The following KCNMA1 variants were observed in gnomAD, a reference collection of about 807,000 sequenced individuals.
KCNMA1 encodes the protein Calcium-activated potassium channel subunit alpha-1.
In KCNMA1, 29 loss-of-function variants were observed where a neutral mutation model predicts 140.0. That is an observed-to-expected ratio of 0.21 (90% CI 0.15 to 0.28). The LOEUF is 0.28. KCNMA1 is among the 10% of genes least tolerant of loss of function. The pLI, the probability that KCNMA1 is intolerant of heterozygous loss-of-function variation, is 1.00. For synonymous variants in KCNMA1, 612 were observed against 611.9 expected (o/e 1.00, Z 0.00); for missense variants, 880 against 1,602.2 (o/e 0.55, Z 7.70).
At chr10:77,550,750 T>C (rs985529426) in intron 1 of KCNMA1, among the ~76,000 whole-genome samples, 1 of 152,194 alleles carries the variant, frequency 6.6e-6, no homozygotes, top group Non-Finnish European at 1.5e-5. Context: ...GTTGACATAA[T>C]TGTTAGGTCC....
At chr10:76,956,497 A>G (rs964337961) in intron 20 of KCNMA1, among the ~76,000 whole-genome samples, 2 of 152,188 alleles carry the variant, frequency 1.3e-5, no homozygotes, top group African/African-American at 4.8e-5. Context: ...CTCCCGGAAC[A>G]AAGACATTAC....
intron 2 of KCNMA1, among the ~76,000 whole-genome samples, chr10:77,352,829 G>A (rs998439750): frequency 6.6e-6 from 1 of 152,346 alleles, no homozygotes; most frequent in East Asian, 1.9e-4. Flanking sequence ...ACTAGGGAGA[G>A]GATGATATGA....
intron 14 of KCNMA1, among the ~76,000 whole-genome samples, chr10:77,058,460 T>C (rs1366748550): frequency 3.3e-5 from 5 of 152,068 alleles, no homozygotes; most frequent in African/African-American, 4.8e-5. Context: ...AGAATATACA[T>C]TCTTTTTAAG....
intron 1 of KCNMA1, among the ~76,000 whole-genome samples, chr10:77,463,556 G>GC (rs1482732872): frequency 6.6e-6 from 1 of 152,206 alleles, no homozygotes; most frequent in Non-Finnish European, 1.5e-5. Context: ...AATTGATGGA[G>GC]CACACGCTAA....
chr10:77,285,903 A>G (rs1458208399), intron 2 of KCNMA1, among the ~76,000 whole-genome samples: 1 of 152,228 alleles, frequency 6.6e-6, no homozygotes. Flanking sequence ...GTACTTACTT[A>G]GCACAGTGCC....
chr10:77,144,360 G>C (rs1289432644), intron 5 of KCNMA1, among the ~76,000 whole-genome samples: 4 of 152,164 alleles, frequency 2.6e-5, no homozygotes, highest in Non-Finnish European at 5.9e-5. Flanking sequence ...CAAAAATTGA[G>C]AGCAGACAAG....
intron 5 of KCNMA1, among the ~76,000 whole-genome samples, chr10:77,172,304 G>A (rs745719376): frequency 1.1e-4 from 16 of 152,136 alleles, no homozygotes; most frequent in African/African-American, 1.9e-4. Flanking sequence ...TGCTGAATTC[G>A]TTCCTTGAAG....
At chr10:77,612,338 G>A (rs2087251655) in intron 1 of KCNMA1, among the ~76,000 whole-genome samples, 1 of 152,128 alleles carries the variant, frequency 6.6e-6, no homozygotes, top group African/African-American at 2.4e-5. Flanking sequence ...GTAAAAATGT[G>A]ATGCATGAAA....
intron 2 of KCNMA1, among the ~76,000 whole-genome samples, chr10:77,376,170 A>G (rs2095088960): frequency 6.6e-6 from 1 of 152,210 alleles, no homozygotes; most frequent in African/African-American, 2.4e-5. Context: ...TAAGTAAAAC[A>G]GTATACTGTG....
intron 1 of KCNMA1, among the ~76,000 whole-genome samples, chr10:77,628,343 A>C (rs892795513): frequency 6.6e-5 from 10 of 152,322 alleles, no homozygotes; most frequent in African/African-American, 1.2e-4. Flanking sequence ...GATGGAAATT[A>C]ACTTCACTTC....
intron 3 of KCNMA1, among the ~76,000 whole-genome samples, chr10:77,196,729 G>T (rs1238598863): frequency 1.3e-5 from 2 of 152,168 alleles, no homozygotes; most frequent in African/African-American, 4.8e-5. Flanking sequence ...CTACTCTTGG[G>T]CTAAGGGATG....
intron 14 of KCNMA1, among the ~76,000 whole-genome samples, chr10:77,042,985 A>G (rs555998242): frequency 1.2e-4 from 19 of 152,234 alleles, no homozygotes; most frequent in Non-Finnish European, 2.5e-4. Flanking sequence ...GTATCTGACT[A>G]TGATATACCT....
chr10:77,128,469 G>A (rs949193683), intron 5 of KCNMA1, among the ~76,000 whole-genome samples: 1 of 133,690 alleles, frequency 7.5e-6, no homozygotes, highest in Non-Finnish European at 1.6e-5. Context: ...GACTTTGACT[G>A]TACATTTAAA....
At chr10:76,947,654 C>G (rs1002713643) in intron 22 of KCNMA1, among the ~76,000 whole-genome samples, 2 of 152,216 alleles carry the variant, frequency 1.3e-5, no homozygotes, top group African/African-American at 4.8e-5. Context: ...GACTGTTTGT[C>G]TATAGGTGAC....
chr10:77,527,774 C>T (rs1458837453), intron 1 of KCNMA1, among the ~76,000 whole-genome samples: 2 of 152,070 alleles, frequency 1.3e-5, no homozygotes, highest in African/African-American at 4.8e-5. Context: ...AGAGGGGAGG[C>T]AAGGCAAGGA....
In KCNMA1 at chr10:77,562,277, T is replaced by C. The variant is rs115872007; in HGVS notation, c.378+74988A>G. Among the ~76,000 whole-genome samples, 745 of 152,348 alleles carry C rather than the reference T, an allele frequency of 4.9e-3. 4 individuals are homozygous for C. Among genetic ancestry groups the C allele is most frequent in the African/African-American group, 0.017 (700 of 41,574 alleles). The stretch of plus-strand genomic sequence containing the variant: ...TCCACCAGGGACCATACAAGCTTCA[T>C]GGATATTCAGATTTTTTTTAGTAAG... On this transcript the variant is annotated intron_variant, in intron 1 of 27. Coordinates refer to ENST00000286628, the MANE Select transcript of KCNMA1 (RefSeq NM_001161352.2).
At chr10:77,458,300 G>T (rs996589258) in intron 1 of KCNMA1, among the ~76,000 whole-genome samples, 1 of 152,196 alleles carries the variant, frequency 6.6e-6, no homozygotes, top group Non-Finnish European at 1.5e-5. Flanking sequence ...GAGCTCCCTT[G>T]TTCCTTCCAA....
chr10:77,276,641 T>C (rs543998514), intron 2 of KCNMA1, among the ~76,000 whole-genome samples: 21 of 152,276 alleles, frequency 1.4e-4, no homozygotes, highest in Non-Finnish European at 2.1e-4. Flanking sequence ...GGTTTGTTCA[T>C]ACACAGATTG....
intron 17 of KCNMA1, 183 bp from the exon 18 acceptor site, chr10:77,012,226 AC>A (rs1445586651): frequency 6.8e-7 from 1 of 1,479,238 alleles, no homozygotes; most frequent in Non-Finnish European, 8.9e-7. Flanking sequence ...TATTTCAAAC[AC>A]AGGATTCTGT....
Sources: gnomAD v4.1 joint callset for allele counts (sites outside exome capture counted in the v4.1 genomes callset) on GRCh38, gnomAD v4.1.1 for gene constraint, MANE v1.5 for transcripts, NCBI Gene and HGNC (gene_info 2026-07-23, HGNC 2026-07-21) for gene names.